Variants in PCSK5 observed in about 807,000 individuals in gnomAD.
PCSK5 encodes the protein prohormone convertase 5.
Under a neutral mutation model 233.2 loss-of-function variants are expected in PCSK5, and 129 were observed. That is an observed-to-expected ratio of 0.55 (90% CI 0.48 to 0.64). The LOEUF (loss-of-function observed/expected upper bound fraction) is 0.64. Among genes scored for constraint, PCSK5 ranks in the 30% least tolerant of loss-of-function variants. PCSK5 has a pLI of 0.00. For missense variants in PCSK5, 2,076 were observed against 2,430.1 expected (o/e 0.85, Z 3.06); for synonymous variants, 825 against 879.2 (o/e 0.94, Z 1.09).
intron 1 of PCSK5, among the ~76,000 whole-genome samples, chr9:75,903,591 A>G (rs1335774309): frequency 7.6e-6 from 1 of 132,200 alleles, no homozygotes; most frequent in Non-Finnish European, 1.6e-5. Flanking sequence ...TATATATAAA[A>G]TATATATTAT....
intron 20 of PCSK5, among the ~76,000 whole-genome samples, chr9:76,210,410 C>G (rs899754671): frequency 1.3e-5 from 2 of 152,164 alleles, no homozygotes; most frequent in Non-Finnish European, 2.9e-5. Context: ...TCTGGCCTGC[C>G]ATGTGTGCCT....
intron 7 of PCSK5, among the ~76,000 whole-genome samples, chr9:76,082,828 AAG>A (rs897231475): frequency 6.6e-6 from 1 of 152,160 alleles, no homozygotes; most frequent in African/African-American, 2.4e-5. Context: ...TTTTTAGAAA[AAG>A]AGAAAAAAAC....
intron 32 of PCSK5, among the ~76,000 whole-genome samples, chr9:76,325,284 G>T (rs757362895): frequency 2.6e-5 from 4 of 152,170 alleles, no homozygotes; most frequent in Non-Finnish European, 5.9e-5. Context: ...TTTCTCTGGT[G>T]TTGAATAATG....
chr9:76,006,982 A>G (rs1171823759), intron 3 of PCSK5, among the ~76,000 whole-genome samples: 1 of 152,024 alleles, frequency 6.6e-6, no homozygotes, highest in Non-Finnish European at 1.5e-5. Flanking sequence ...AGTTTTCTTT[A>G]TTAGTTACTT....
chr9:76,295,487 A>T, intron 26 of PCSK5, 76 bp downstream of exon 26: 1 of 1,328,386 alleles, frequency 7.5e-7, no homozygotes, highest in South Asian at 1.3e-5. Context: ...ACAGGAGCGC[A>T]CATGTGATTG....
chr9:76,005,585 G>T (rs1428358198), intron 3 of PCSK5, among the ~76,000 whole-genome samples: 3 of 152,156 alleles, frequency 2.0e-5, no homozygotes, highest in African/African-American at 7.2e-5. Context: ...AACTACCAAT[G>T]AGTGTGCAGG....
At chr9:75,994,446 A>G (rs1443155533) in intron 3 of PCSK5, among the ~76,000 whole-genome samples, 12 of 92,766 alleles carry the variant, frequency 1.3e-4, no homozygotes, top group Non-Finnish European at 2.1e-4. Context: ...TTTTTTTGAG[A>G]TGGAGTCTCA....
At chr9:75,956,774 G>A (rs765701880) in intron 2 of PCSK5, among the ~76,000 whole-genome samples, 25 of 150,556 alleles carry the variant, frequency 1.7e-4, no homozygotes, top group Non-Finnish European at 3.5e-4. Context: ...TTGGTGGTCC[G>A]CCTCTCGTTG....
intron 10 of PCSK5, among the ~76,000 whole-genome samples, chr9:76,138,430 C>T (rs185501017): frequency 3.8e-4 from 58 of 152,118 alleles, no homozygotes; most frequent in African/African-American, 1.3e-3. Flanking sequence ...TAGAGCCATG[C>T]GGAAGACTTT....
intron 5 of PCSK5, among the ~76,000 whole-genome samples, chr9:76,028,223 A>G (rs192696085): frequency 7.9e-4 from 120 of 152,286 alleles, no homozygotes; most frequent in Admixed American, 7.7e-3. Context: ...ATTAAACTGG[A>G]TAGTTTTCTT....
At position 76,118,692 on chromosome 9, in the gene PCSK5, AAATT is replaced by A. The variant is rs905439775; in HGVS notation, c.1208+11349_1208+11352del. Reference sequence around the variant, plus strand: ...GATGTATTATTTTGATAATATCTTCAAATTAATTAATATAAATTTAAATTATATT... The same window carrying A: ...GATGTATTATTTTGATAATATCTTCAAATTAATATAAATTTAAATTATATT... On this transcript the variant is annotated intron_variant, in intron 9 of 37. Transcript: ENST00000674117. Among the ~76,000 whole-genome samples, 259 of 152,092 alleles carry A rather than the reference AAATT, an allele frequency of 1.7e-3. 1 individual carries two copies. Among genetic ancestry groups the A allele is most frequent in the African/African-American group, 4.6e-3 (191 of 41,564 alleles).
rs368664676 is a variant in PCSK5 at position 76,292,251 on chromosome 9, C to A, written c.3161C>A (p.Thr1054Lys). The part of the protein sequence containing the change: ...GCSLDDPGTC[T>K]SCAMGYYRFD... ...TTTCCAGATGATCCAGGAACATGTA[C>A]ATCTTGCGCTATGGGGTATTACAGG... The change falls in exon 25 of 38, where the codon ACA becomes AAA. Residue 1054 changes from threonine to lysine, a missense_variant. By Grantham distance (78) the Thr-to-Lys change is moderately conservative (BLOSUM62 -1). Coordinates refer to ENST00000674117, the MANE Select transcript of PCSK5 (RefSeq NM_001372043.1). 5 of 1,576,658 alleles carry A rather than the reference C, an allele frequency of 3.2e-6. No homozygotes were observed. In the South Asian group the frequency reaches 5.6e-5, roughly 18 times the overall value.
chr9:76,355,242 G>A (rs1830268913), intron 37 of PCSK5, among the ~76,000 whole-genome samples: 2 of 152,182 alleles, frequency 1.3e-5, no homozygotes, highest in South Asian at 4.1e-4. Context: ...CGGAGCCAAG[G>A]AGGGCGGATC....
intron 9 of PCSK5, 44 bp from the exon 10 acceptor site, chr9:76,134,065 T>C: frequency 1.0e-5 from 3 of 287,826 alleles, no homozygotes; most frequent in Non-Finnish European, 1.6e-5. Context: ...TTCCCCCATC[T>C]TTTTTTTTTT....
intron 3 of PCSK5, among the ~76,000 whole-genome samples, chr9:76,010,461 A>G (rs1280908198): frequency 6.6e-6 from 1 of 152,206 alleles, no homozygotes; most frequent in Non-Finnish European, 1.5e-5. Flanking sequence ...ACTGTGATCT[A>G]TCACTTTACT....
At chr9:76,332,224 T>C (rs1220807261) in intron 33 of PCSK5, among the ~76,000 whole-genome samples, 1 of 152,188 alleles carries the variant, frequency 6.6e-6, no homozygotes, top group African/African-American at 2.4e-5. Context: ...ATCACTGACT[T>C]CTGTTTTCCT....
chr9:76,192,047 G>A (rs1041544539), intron 20 of PCSK5, among the ~76,000 whole-genome samples: 13 of 117,874 alleles, frequency 1.1e-4, no homozygotes, highest in Non-Finnish European at 1.9e-4. Flanking sequence ...TCCAGCCTAG[G>A]CAACAGAGCA....
chr9:76,022,459 G>A (rs1304359501), intron 3 of PCSK5, among the ~76,000 whole-genome samples: 1 of 152,166 alleles, frequency 6.6e-6, no homozygotes, highest in African/African-American at 2.4e-5. Flanking sequence ...TACAAAGCAG[G>A]AAGAAAGTAG....
intron 5 of PCSK5, among the ~76,000 whole-genome samples, chr9:76,065,293 C>T (rs1311945397): frequency 6.6e-6 from 1 of 152,178 alleles, no homozygotes; most frequent in Non-Finnish European, 1.5e-5. Flanking sequence ...ACTCTCTGAT[C>T]CGATCATTTC....
Sources: gnomAD v4.1 joint callset for allele counts (sites outside exome capture counted in the v4.1 genomes callset) on GRCh38, gnomAD v4.1.1 for gene constraint, MANE v1.5 for transcripts, NCBI Gene and HGNC (gene_info 2026-07-23, HGNC 2026-07-21) for gene names.